Variants in SSH2 observed in about 807,000 individuals in gnomAD.
SSH2 encodes the protein slingshot protein phosphatase 2.
A neutral mutation model predicts 135.2 loss-of-function variants in SSH2; 37 were observed. The observed-to-expected ratio is 0.27, with a 90% CI of 0.21 to 0.36. SSH2 has a LOEUF of 0.36. Among genes scored for constraint, SSH2 ranks in the 10% least tolerant of loss-of-function variants. The pLI is 1.00. For missense variants in SSH2, 1,408 were observed against 1,765.3 expected, an observed-to-expected ratio of 0.80 and a Z score of 3.63; for synonymous variants, 628 against 646.2, an observed-to-expected ratio of 0.97 and a Z score of 0.43.
intron 1 of SSH2, among the ~76,000 whole-genome samples, chr17:29,859,281 C>G (rs2065718486): frequency 1.3e-5 from 2 of 152,078 alleles, no homozygotes; most frequent in Non-Finnish European, 2.9e-5. Flanking sequence ...GTTCCTCTTA[C>G]ACTTTTTTTT....
intron 3 of SSH2, among the ~76,000 whole-genome samples, chr17:29,739,488 A>G (rs1309483049): frequency 2.0e-5 from 3 of 152,246 alleles, no homozygotes; most frequent in Admixed American, 6.5e-5. Flanking sequence ...GATTCTATAT[A>G]TAAGGATCAC....
chr17:29,740,071 C>G (rs143582941), intron 3 of SSH2, among the ~76,000 whole-genome samples: 6 of 152,266 alleles, frequency 3.9e-5, no homozygotes, highest in African/African-American at 1.4e-4. Flanking sequence ...GGATTGACCT[C>G]GCAGTATCTG....
chr17:29,694,743 T>TA (rs971278333), intron 5 of SSH2, among the ~76,000 whole-genome samples: 1 of 152,132 alleles, frequency 6.6e-6, no homozygotes, highest in African/African-American at 2.4e-5. Flanking sequence ...TATGTTTTTT[T>TA]AAAAAAACAC....
Position 29,657,894 on chromosome 17 carries a change from T to C in SSH2, c.1033-2287A>G, listed in dbSNP as rs542220082. 2.0e-5 allele frequency among the ~76,000 whole-genome samples: 3 copies of C among 151,748 alleles called. No individual in the cohort carries two copies. In the South Asian group the frequency reaches 6.2e-4, roughly 32 times the overall value. On this transcript the variant is annotated intron_variant, in intron 11 of 15. Coordinates refer to ENST00000540801, the MANE Select transcript of SSH2 (RefSeq NM_001282129.2). ...CCAGCCTAGCTTTAATCTAGAACAG[T>C]ACATCTTCTGCTTTCTTTGGGAGTG...
intron 2 of SSH2, among the ~76,000 whole-genome samples, chr17:29,821,475 C>T (rs1599045806): frequency 4.0e-5 from 6 of 148,856 alleles, no homozygotes; most frequent in Admixed American, 3.3e-4. Context: ...ATTGAACAAG[C>T]GAGTTATTGG....
chr17:29,847,870 C>T (rs141100685), intron 2 of SSH2, among the ~76,000 whole-genome samples: 1 of 152,308 alleles, frequency 6.6e-6, no homozygotes, highest in Non-Finnish European at 1.5e-5. Context: ...TTCTAAATAA[C>T]CCACCCCTCA....
intron 1 of SSH2, among the ~76,000 whole-genome samples, chr17:29,850,029 CAA>C (rs970117948): frequency 5.3e-5 from 2 of 37,678 alleles, no homozygotes; most frequent in Non-Finnish European, 1.1e-4. Context: ...GACTCCATCT[CAA>C]AAAAAAAAAA....
chr17:29,909,497 G>A (rs942461332), intron 1 of SSH2, among the ~76,000 whole-genome samples: 2 of 152,132 alleles, frequency 1.3e-5, no homozygotes, highest in Admixed American at 6.5e-5. Flanking sequence ...CACAGGTAAG[G>A]GAGACTGCTC....
chr17:29,717,068 C>A (rs1174001417), intron 3 of SSH2, among the ~76,000 whole-genome samples: 1 of 152,160 alleles, frequency 6.6e-6, no homozygotes, highest in African/African-American at 2.4e-5. Context: ...TTGTCAGTAA[C>A]CCTACCCTAT....
chr17:29,751,146 T>C (rs944467372), intron 3 of SSH2, among the ~76,000 whole-genome samples: 1 of 152,224 alleles, frequency 6.6e-6, no homozygotes, highest in Admixed American at 6.5e-5. Context: ...CCAGGCGCAG[T>C]GGCTCATGCC....
chr17:29,652,880 A>C (rs1202923043), intron 12 of SSH2, among the ~76,000 whole-genome samples: 2 of 151,862 alleles, frequency 1.3e-5, no homozygotes, highest in African/African-American at 4.8e-5. Flanking sequence ...CTGGTCTCAA[A>C]CTCCTGACCT....
chr17:29,641,094 G>GA (rs769755075), intron 14 of SSH2, among the ~76,000 whole-genome samples: 14 of 152,054 alleles, frequency 9.2e-5, no homozygotes, highest in Admixed American at 2.6e-4. Context: ...ATTTTTAGTA[G>GA]ACACAGGGTA....
chr17:29,693,909 C>T (rs932542448), intron 5 of SSH2, among the ~76,000 whole-genome samples: 10 of 152,140 alleles, frequency 6.6e-5, no homozygotes, highest in African/African-American at 1.4e-4. Context: ...AGCTGTCCCA[C>T]GGCATTCTTT....
intron 2 of SSH2, among the ~76,000 whole-genome samples, chr17:29,829,234 C>T (rs2042796677): frequency 6.6e-6 from 1 of 152,206 alleles, no homozygotes; most frequent in Admixed American, 6.5e-5. Context: ...TTAATCTTCA[C>T]ACTAATCCTC....
At chr17:29,896,381 C>T (rs566071440) in intron 1 of SSH2, among the ~76,000 whole-genome samples, 4 of 133,802 alleles carry the variant, frequency 3.0e-5, no homozygotes, top group East Asian at 2.2e-4. Context: ...ATTTTATATA[C>T]ACATTTCATG....
chr17:29,632,923 T>C lies in SSH2; in HGVS notation c.2271A>G (p.Ser757=), dbSNP rs757221755. ...SMDEEQSKAI[S]ELVSPDIFMQ... ...TGAAGATGTCTGGGCTGACCAGTTC[T>C]GAAATTGCCTAAGAAGAGAAAGTAG... Residue 757 remains serine, a synonymous_variant, in exon 16 of 16, where the codon TCA becomes TCG. Transcript: ENST00000540801. The C allele has an allele frequency of 2.5e-6, 4 of 1,599,966 alleles. No homozygotes were observed. The highest frequency in any genetic ancestry group is 3.3e-4 in the Middle Eastern group (2 of 5,984).
chr17:29,666,820 A>C, intron 11 of SSH2, 47 bp downstream of exon 11: 1 of 1,582,372 alleles, frequency 6.3e-7, no homozygotes, highest in South Asian at 1.1e-5. Context: ...CCATGAGTCC[A>C]TATGGGCTAG....
chr17:29,902,040 G>A (rs1259112690), intron 1 of SSH2, among the ~76,000 whole-genome samples: 1 of 151,954 alleles, frequency 6.6e-6, no homozygotes, highest in Non-Finnish European at 1.5e-5. Flanking sequence ...TCCTACCTTG[G>A]CCTTCCAAAG....
intron 2 of SSH2, among the ~76,000 whole-genome samples, chr17:29,822,789 T>C (rs2042676545): frequency 6.6e-6 from 1 of 152,200 alleles, no homozygotes; most frequent in South Asian, 2.1e-4. Flanking sequence ...AATATCACGA[T>C]GGGAGCTAAG....
Sources: allele counts gnomAD v4.1 joint callset (sites outside exome capture counted in the v4.1 genomes callset), GRCh38; gene constraint gnomAD v4.1.1; transcripts MANE v1.5; gene names NCBI Gene and HGNC (gene_info 2026-07-23, HGNC 2026-07-21).